The following RAB3GAP2 variants were observed in gnomAD, a reference collection of about 807,000 sequenced individuals.
RAB3GAP2 encodes RAB3 GTPase activating non-catalytic protein subunit 2.
RAB3GAP2 carries 87 observed loss-of-function variants against 185.3 expected under a neutral mutation model. That is an observed-to-expected ratio of 0.47 (90% CI 0.39 to 0.56). The LOEUF (loss-of-function observed/expected upper bound fraction) is 0.56. Among genes scored for constraint, RAB3GAP2 ranks in the 20% least tolerant of loss-of-function variants. RAB3GAP2 has a pLI of 0.00. For missense variants in RAB3GAP2, 1,492 were observed against 1,638.2 expected (o/e 0.91, Z 1.54); for synonymous variants, 554 against 576.1 (o/e 0.96, Z 0.55).
In RAB3GAP2 at chr1:220,151,179, T is replaced by C; in HGVS notation, c.*72A>G. The C allele has an allele frequency of 6.8e-7, 1 of 1,465,440 alleles. No individual in the cohort carries two copies. The allele number at this position is 1,465,440 out of a possible 1,614,324, so 90.8% of individuals were successfully genotyped here. On this transcript the variant is annotated 3_prime_UTR_variant, in exon 35 of 35. Coordinates refer to ENST00000358951, the MANE Select transcript of RAB3GAP2 (RefSeq NM_012414.4). The stretch of plus-strand genomic sequence containing the variant: ...TACTTTTCCCATAAAATTCCAGGTC[T>C]TACTATGTAAAATAACCATGCACTA...
chr1:220,187,157 A>C (rs1423797345), intron 17 of RAB3GAP2, among the ~76,000 whole-genome samples: 1 of 152,206 alleles, frequency 6.6e-6, no homozygotes, highest in Non-Finnish European at 1.5e-5. Context: ...TAGCTATAAA[A>C]TAATAAGAAA....
At chr1:220,153,726 T>G (rs1657804706) in intron 32 of RAB3GAP2, 2 of 463,854 alleles carry the variant, frequency 4.3e-6, no homozygotes, top group Non-Finnish European at 7.8e-6. Flanking sequence ...ACATTAGGTA[T>G]ATCTCCTAAT....
chr1:220,225,433 T>C (rs576334699), intron 2 of RAB3GAP2, among the ~76,000 whole-genome samples: 3 of 152,320 alleles, frequency 2.0e-5, no homozygotes, highest in South Asian at 4.1e-4. Flanking sequence ...GGTCTCTCAA[T>C]ATCAGCGCTA....
At chr1:220,226,012 A>T (rs1659395884) in intron 2 of RAB3GAP2, among the ~76,000 whole-genome samples, 1 of 152,196 alleles carries the variant, frequency 6.6e-6, no homozygotes, top group Non-Finnish European at 1.5e-5. Context: ...TAATCTGCTA[A>T]ATCATAATTG....
intron 8 of RAB3GAP2, among the ~76,000 whole-genome samples, chr1:220,203,003 G>A (rs1658892581): frequency 6.6e-6 from 1 of 152,142 alleles, no homozygotes; most frequent in Non-Finnish European, 1.5e-5. Flanking sequence ...GTGATGCCAA[G>A]TAAGCAATTT....
Position 220,191,278 on chromosome 1 carries a change from C to T in RAB3GAP2, c.1277G>A (p.Arg426His), listed in dbSNP as rs769450409. 4.5e-5 allele frequency: 70 copies of T among 1,555,904 alleles called. No individual in the cohort carries two copies. Among genetic ancestry groups the T allele is most frequent in the Non-Finnish European group, 5.6e-5 (64 of 1,150,550 alleles). Residue 426 changes from arginine to histidine, a missense_variant, in exon 14 of 35, where the codon CGC becomes CAC. Around this residue, in one of 5 missense-constraint regions of RAB3GAP2, gnomAD observed 681 missense variants for 689.1 expected, o/e 0.99. Transcript: ENST00000358951. The stretch of plus-strand genomic sequence containing the variant: ...TTGAATCCATCCAATTTGTGCGTCG[C>T]GGTACCCTTAGAGACAGAGGTAAAG... ...GIAIRMWKGYRDAQIGWIQTV... is the reference protein window; with the variant it reads ...GIAIRMWKGYHDAQIGWIQTV...
chr1:220,254,494 A>G, intron 1 of RAB3GAP2: 1 of 1,613,588 alleles, frequency 6.2e-7, no homozygotes, highest in Middle Eastern at 1.7e-4. Flanking sequence ...GTTTAGTGCC[A>G]GCGATTATGA....
intron 17 of RAB3GAP2, among the ~76,000 whole-genome samples, chr1:220,187,943 TG>T (rs1450422757): frequency 4.6e-5 from 7 of 152,106 alleles, no homozygotes; most frequent in Non-Finnish European, 8.8e-5. Context: ...TACTTGTGAC[TG>T]GTACCTGAAG....
intron 1 of RAB3GAP2, among the ~76,000 whole-genome samples, chr1:220,236,082 T>C (rs767274382): frequency 6.6e-6 from 1 of 152,236 alleles, no homozygotes; most frequent in African/African-American, 2.4e-5. Flanking sequence ...AGCCTATTTA[T>C]AATACTATGA....
chr1:220,185,594 CAG>C (rs1157025210), intron 18 of RAB3GAP2, 55 bp downstream of exon 18: 3 of 1,279,368 alleles, frequency 2.3e-6, no homozygotes, highest in Non-Finnish European at 3.4e-6. Flanking sequence ...TTTCTATAAT[CAG>C]AGTTACAAAA....
intron 21 of RAB3GAP2, among the ~76,000 whole-genome samples, chr1:220,179,725 T>C (rs902696402): frequency 2.0e-5 from 3 of 152,112 alleles, no homozygotes; most frequent in Admixed American, 2.0e-4. Flanking sequence ...CTTTGGAAAC[T>C]GCACAAATAC....
chr1:220,226,591 TTTTCTTCTATCCCAATCCATC>T (rs1019698870), intron 2 of RAB3GAP2, among the ~76,000 whole-genome samples: 2 of 152,182 alleles, frequency 1.3e-5, no homozygotes, highest in East Asian at 1.9e-4. Flanking sequence ...TTGTTTTACC[TTTTCTTCTATCCCAATCCATC>T]TTTCTTCTAT....
chr1:220,259,638 C>T (rs1229979097), intron 1 of RAB3GAP2, among the ~76,000 whole-genome samples: 1 of 152,112 alleles, frequency 6.6e-6, no homozygotes, highest in African/African-American at 2.4e-5. Flanking sequence ...ACTATAAAAA[C>T]CCTAGAAGAA....
chr1:220,172,440 CA>C (rs1658196372), intron 22 of RAB3GAP2, among the ~76,000 whole-genome samples, 196 bp downstream of exon 22: 1 of 151,984 alleles, frequency 6.6e-6, no homozygotes, highest in South Asian at 2.1e-4. Context: ...TATGATGATA[CA>C]AAATATAAAA....
intron 2 of RAB3GAP2, among the ~76,000 whole-genome samples, chr1:220,217,371 G>A (rs772527923): frequency 3.9e-5 from 6 of 152,080 alleles, no homozygotes; most frequent in Non-Finnish European, 8.8e-5. Flanking sequence ...GAATATGTGA[G>A]CCAGAGTATT....
rs144757771 is a variant in RAB3GAP2 at position 220,177,427 on chromosome 1, G to A, written c.2311-4685C>T. On this transcript the variant is annotated intron_variant, in intron 21 of 34. Transcript: ENST00000358951. Reference sequence around the variant, plus strand: ...ATACCATCGTACTACCACAAGCATCGAGAACATTCAGGGAAACACGACCTC... The same window carrying A: ...ATACCATCGTACTACCACAAGCATCAAGAACATTCAGGGAAACACGACCTC... Among the ~76,000 whole-genome samples the A allele has an allele frequency of 3.3e-5, 5 of 152,238 alleles. No homozygotes were observed. The East Asian group carries it at 5.8e-4, about 18-fold the overall frequency.
chr1:220,153,328 T>C lies in RAB3GAP2; in HGVS notation c.3724A>G (p.Thr1242Ala), dbSNP rs549308678. ...TKVKDPTEEA[T>A]PTPFGKDQDW... is the part of the protein sequence containing the mutation. ...TGGTCTTTCCCAAAAGGAGTGGGTG[T>C]GGCCTCTTCTGTGGGATCTTTGACC... is the stretch of plus-strand genomic sequence containing the variant. The change falls in exon 33 of 35, where the codon ACA (threonine) becomes GCA (alanine). Residue 1242 changes from threonine to alanine, a missense_variant. By Grantham distance (58) the Thr-to-Ala change is moderately conservative (BLOSUM62 0). Coordinates refer to ENST00000358951, the MANE Select transcript of RAB3GAP2 (RefSeq NM_012414.4). 1.2e-5 allele frequency: 19 copies of C among 1,614,226 alleles called. No individual in the cohort carries two copies. The East Asian group carries it at 3.6e-4, about 30-fold the overall frequency.
intron 2 of RAB3GAP2, among the ~76,000 whole-genome samples, chr1:220,218,490 C>G (rs183801581): frequency 1.3e-5 from 2 of 152,058 alleles, no homozygotes; most frequent in East Asian, 3.9e-4. Flanking sequence ...ATCGCAAGGA[C>G]AGAAAACCAA....
At chr1:220,203,189 A>G (rs1658895154) in intron 8 of RAB3GAP2, among the ~76,000 whole-genome samples, 1 of 152,226 alleles carries the variant, frequency 6.6e-6, no homozygotes, top group African/African-American at 2.4e-5. Context: ...TGTCAAAAAA[A>G]TGAATGAAAT....
Sources: gnomAD v4.1 joint callset for allele counts (sites outside exome capture counted in the v4.1 genomes callset) on GRCh38, gnomAD v4.1.1 for gene constraint, gnomAD v4.1.1 regional missense constraint, MANE v1.5 for transcripts, NCBI Gene and HGNC (gene_info 2026-07-23, HGNC 2026-07-21) for gene names.